Variants in PDZD2 observed in about 807,000 individuals in gnomAD.
The protein encoded by PDZD2 is PDZ domain containing 2, also known as PDZ domain-containing protein 2.
A neutral mutation model predicts 220.7 loss-of-function variants in PDZD2; 90 were observed. The ratio of observed to expected loss-of-function variants is 0.41; its 90% CI spans 0.34 to 0.49. The LOEUF (loss-of-function observed/expected upper bound fraction) is 0.49. PDZD2 is among the 20% of genes least tolerant of loss of function. PDZD2 has a pLI of 0.28. For synonymous variants in PDZD2, 1,375 were observed against 1,450.5 expected (o/e 0.95, Z 1.18); for missense variants, 3,174 against 3,608.5 (o/e 0.88, Z 3.08).
intron 4 of PDZD2, among the ~76,000 whole-genome samples, chr5:31,995,958 G>T (rs566617684): frequency 6.6e-6 from 1 of 152,196 alleles, no homozygotes; most frequent in Non-Finnish European, 1.5e-5. Flanking sequence ...GGAGAGAGTG[G>T]ATCTCTTTAT....
intron 1 of PDZD2, among the ~76,000 whole-genome samples, chr5:31,763,870 T>TAAAAA (rs67321443): frequency 8.0e-5 from 11 of 137,534 alleles, no homozygotes; most frequent in African/African-American, 3.0e-4. Flanking sequence ...GCCCTCTGAT[T>TAAAAA]AAAAAAAAAA....
At chr5:32,001,336 G>A (rs1264596829) in intron 5 of PDZD2, among the ~76,000 whole-genome samples, 4 of 152,190 alleles carry the variant, frequency 2.6e-5, no homozygotes, top group African/African-American at 9.7e-5. Flanking sequence ...CTCAGGGGCC[G>A]CCGAGGGCAG....
intron 1 of PDZD2, among the ~76,000 whole-genome samples, chr5:31,797,094 ATTTTTT>A (rs756548601): frequency 3.0e-5 from 2 of 66,534 alleles, no homozygotes; most frequent in East Asian, 1.2e-3. Flanking sequence ...CACCCAGCTA[ATTTTTT>A]TTTTTTTTTT....
chr5:32,008,136 A>AAAT (rs1752988559), intron 5 of PDZD2, among the ~76,000 whole-genome samples: 15 of 143,962 alleles, frequency 1.0e-4, no homozygotes, highest in South Asian at 2.3e-4. Context: ...TAAAATAATA[A>AAAT]AAATAAATAA....
At chr5:32,058,695 T>C (rs527811021) in intron 12 of PDZD2, among the ~76,000 whole-genome samples, 156 of 129,638 alleles carry the variant, frequency 1.2e-3, no homozygotes, top group Non-Finnish European at 2.2e-3. Context: ...AAAAAAAAAT[T>C]CACCGGTGAG....
intron 2 of PDZD2, among the ~76,000 whole-genome samples, chr5:31,945,943 A>G (rs1421401738): frequency 7.2e-5 from 11 of 152,174 alleles, no homozygotes; most frequent in Admixed American, 6.5e-4. Flanking sequence ...GAGGAAGCAC[A>G]GGTGGCACCT....
chr5:31,858,594 C>G (rs1285707493), intron 2 of PDZD2, among the ~76,000 whole-genome samples: 1 of 152,200 alleles, frequency 6.6e-6, no homozygotes, highest in Non-Finnish European at 1.5e-5. Flanking sequence ...GTAGGACTAA[C>G]AAATTAGCCA....
chr5:32,008,781 C>T (rs868644792), intron 5 of PDZD2, among the ~76,000 whole-genome samples: 4 of 152,084 alleles, frequency 2.6e-5, no homozygotes, highest in East Asian at 1.9e-4. Flanking sequence ...AAGCAGTAGT[C>T]AAAGACTTTA....
At chr5:31,661,380 G>A (rs1249485639) in intron 1 of PDZD2, 2 of 152,196 alleles carry the variant, frequency 1.3e-5, no homozygotes, top group African/African-American at 4.8e-5. Flanking sequence ...CCGGTAGGAA[G>A]CAGAGGACTG....
rs368227764 is a variant in PDZD2, at chr5:32,057,948, C to T, written c.2045C>T (p.Ser682Leu). 16 of 1,613,768 alleles carry T rather than the reference C, an allele frequency of 9.9e-6. No individual in the cohort carries two copies. Among genetic ancestry groups the T allele is most frequent in the African/African-American group, 4.0e-5 (3 of 74,844 alleles). Residue 682 changes from serine (S) to leucine (L), a missense_variant, in exon 12 of 25, where the codon TCG (serine) becomes TTG (leucine). Ser to Leu is a moderately radical substitution (Grantham distance 145). This residue lies in a region of PDZD2 where 1,861 missense variants were observed against 2,001.0 expected (regional missense o/e 0.93). Transcript: ENST00000438447. ...KLVSPSLTPC[S>L]TPTHMSRSAS... ...GTGAGCCCCAGCCTCACACCCTGCT[C>T]GACACCCACACACATGAGCAGATCC...
At chr5:31,862,007 C>T (rs768174773) in intron 2 of PDZD2, among the ~76,000 whole-genome samples, 36 of 151,612 alleles carry the variant, frequency 2.4e-4, no homozygotes, top group Non-Finnish European at 4.6e-4. Context: ...GAACACCCTA[C>T]ACCATCTGTG....
At chr5:31,694,046 T>C (rs1747259241) in intron 1 of PDZD2, among the ~76,000 whole-genome samples, 1 of 152,206 alleles carries the variant, frequency 6.6e-6, no homozygotes, top group South Asian at 2.1e-4. Flanking sequence ...TGGTAGAATG[T>C]ACGCCACTCC....
intron 1 of PDZD2, among the ~76,000 whole-genome samples, chr5:31,758,599 T>C (rs931414597): frequency 2.6e-5 from 4 of 152,208 alleles, no homozygotes; most frequent in African/African-American, 7.2e-5. Context: ...GCCTGCCTGG[T>C]ACAAACCCTT....
At chr5:31,777,735 T>C (rs1206443791) in intron 1 of PDZD2, among the ~76,000 whole-genome samples, 1 of 152,156 alleles carries the variant, frequency 6.6e-6, no homozygotes, top group African/African-American at 2.4e-5. Flanking sequence ...CTTTTATGTC[T>C]AGCTAAAGGA....
Position 32,109,027 on chromosome 5 carries a change from C to CA in PDZD2, c.*897dup, listed in dbSNP as rs1337643610. On this transcript the variant is annotated 3_prime_UTR_variant, in exon 25 of 25. Transcript: ENST00000438447. ...CAAGACTGGTCAGTCCAAGAGCAGA[C>CA]AAAAATATCACAAGTCAGTCAGTCA... The CA allele has an allele frequency of 4.1e-5, 5 of 121,822 alleles. No individual in the cohort carries two copies. The highest frequency in any genetic ancestry group is 5.6e-5 in the Non-Finnish European group (3 of 53,160). 7.5% of individuals were successfully genotyped at this position (121,822 alleles called of 1,614,324 possible).
At chr5:32,059,189 G>T in intron 12 of PDZD2, 50 bp from the exon 13 acceptor site, 2 of 941,434 alleles carry the variant, frequency 2.1e-6, no homozygotes, top group Admixed American at 1.9e-5. Flanking sequence ...ATTTTTTCTA[G>T]TGATTGTGTA....
At chr5:31,965,479 A>G (rs980258507) in intron 2 of PDZD2, among the ~76,000 whole-genome samples, 2 of 152,252 alleles carry the variant, frequency 1.3e-5, no homozygotes, top group Non-Finnish European at 2.9e-5. Context: ...GCAAGAAGAC[A>G]ACAGTGAGAA....
intron 13 of PDZD2, among the ~76,000 whole-genome samples, chr5:32,060,754 A>G (rs961121752): frequency 4.6e-5 from 7 of 152,144 alleles, no homozygotes; most frequent in Non-Finnish European, 8.8e-5. Flanking sequence ...CCTTATTATC[A>G]ATTTTATTTG....
At chr5:31,772,808 A>T (rs1249991740) in intron 1 of PDZD2, among the ~76,000 whole-genome samples, 1 of 152,246 alleles carries the variant, frequency 6.6e-6, no homozygotes, top group African/African-American at 2.4e-5. Flanking sequence ...ATCTGCACAG[A>T]ATCAGGCCTT....
Sources: gnomAD v4.1 joint callset for allele counts (sites outside exome capture counted in the v4.1 genomes callset) on GRCh38, gnomAD v4.1.1 for gene constraint, gnomAD v4.1.1 regional missense constraint, MANE v1.5 for transcripts, NCBI Gene and HGNC (gene_info 2026-07-23, HGNC 2026-07-21) for gene names.